Variants in KCNIP1 observed in about 807,000 individuals in gnomAD.
KCNIP1 encodes potassium voltage-gated channel interacting protein 1.
Under a neutral mutation model 33.0 loss-of-function variants are expected in KCNIP1, and 18 were observed. The observed-to-expected ratio is 0.55, with a 90% CI of 0.38 to 0.81. The LOEUF is 0.81. KCNIP1 is among the 30% of genes least tolerant of loss of function. The pLI is 0.00. For missense variants in KCNIP1, 238 were observed against 271.6 expected (o/e 0.88, Z 0.87); for synonymous variants, 93 against 98.3 (o/e 0.95, Z 0.32).
intron 5 of KCNIP1, among the ~76,000 whole-genome samples, chr5:170,726,219 T>C (rs973929839): frequency 6.6e-6 from 1 of 152,170 alleles, no homozygotes; most frequent in African/African-American, 2.4e-5. Context: ...TATATAAAGA[T>C]ACCAGGATAC....
At chr5:170,615,107 C>T (rs548987032) in intron 1 of KCNIP1, among the ~76,000 whole-genome samples, 18 of 152,240 alleles carry the variant, frequency 1.2e-4, no homozygotes, top group African/African-American at 3.4e-4. Flanking sequence ...CCCAGCTACT[C>T]GGGAGGCTGA....
At chr5:170,654,878 T>A (rs1761199885) in intron 1 of KCNIP1, among the ~76,000 whole-genome samples, 1 of 152,230 alleles carries the variant, frequency 6.6e-6, no homozygotes, top group Admixed American at 6.5e-5. Flanking sequence ...AACGTAAGTC[T>A]GTTAACAGTA....
chr5:170,594,994 G>A (rs562087044), intron 1 of KCNIP1, among the ~76,000 whole-genome samples: 2 of 152,304 alleles, frequency 1.3e-5, no homozygotes, highest in African/African-American at 4.8e-5. Flanking sequence ...GGCTAGGTGG[G>A]AGGGAGTACC....
Position 170,456,701 on chromosome 5 carries a change from T to TTTTCTTTTC in KCNIP1, c.88+102744_88+102745insTCTTTCTTT, listed in dbSNP as rs1554093875. Among the ~76,000 whole-genome samples, 3 of 135,680 alleles carry TTTTCTTTTC rather than the reference T, an allele frequency of 2.2e-5. No homozygotes were observed. In the South Asian group the frequency reaches 7.0e-4, roughly 32 times the overall value. 89.0% of individuals were successfully genotyped at this position (135,680 alleles called of 152,430 possible). ...TTTCTTTCTTTCTCTCTCTCTCTCT[T>TTTTCTTTTC]TTTCTTTCTTTCTTTCTTTCTTTCT... On this transcript the variant is annotated intron_variant, in intron 1 of 7. Transcript: ENST00000377360.
At chr5:170,599,054 A>G (rs2113579522) in intron 1 of KCNIP1, among the ~76,000 whole-genome samples, 1 of 152,148 alleles carries the variant, frequency 6.6e-6, no homozygotes, top group African/African-American at 2.4e-5. Flanking sequence ...GTGCAGACCC[A>G]CAGGCTGCCG....
At chr5:170,430,205 C>A (rs114851544) in intron 1 of KCNIP1, among the ~76,000 whole-genome samples, 6,623 of 152,256 alleles carry the variant, frequency 0.043, 167 homozygotes, top group African/African-American at 0.061. Flanking sequence ...GTGTGGTGGG[C>A]GGAAGGTAGG....
rs187935817 is a variant in KCNIP1, at chr5:170,724,299, C to T, written c.435+1479C>T. 2.3e-4 allele frequency among the ~76,000 whole-genome samples: 35 copies of T among 152,058 alleles called. No homozygotes were observed. The East Asian group carries it at 6.4e-3, about 28-fold the overall frequency. ...ATAAGTCCAATAGTACCCTGATACC[C>T]AAACCAAAGAAAAAAAGGTCTTATG... On this transcript the variant is annotated intron_variant, in intron 5 of 7. Transcript: ENST00000328939.
At chr5:170,384,398 G>C (rs1385806136) in intron 1 of KCNIP1, among the ~76,000 whole-genome samples, 2 of 152,192 alleles carry the variant, frequency 1.3e-5, no homozygotes, top group Non-Finnish European at 2.9e-5. Flanking sequence ...ATGTAGAAGG[G>C]GTTTGAGTTG....
intron 1 of KCNIP1, among the ~76,000 whole-genome samples, chr5:170,395,118 G>T (rs573338055): frequency 1.3e-5 from 2 of 152,236 alleles, no homozygotes; most frequent in Non-Finnish European, 2.9e-5. Flanking sequence ...GCATCCAGCA[G>T]TGGGATTGCT....
intron 1 of KCNIP1, among the ~76,000 whole-genome samples, chr5:170,637,554 C>G (rs989487294): frequency 6.6e-6 from 1 of 152,132 alleles, no homozygotes; most frequent in Non-Finnish European, 1.5e-5. Context: ...TCAGATCTGA[C>G]GGCTCCATCC....
chr5:170,390,517 A>AAAAAAAAAAAAAAAAAATATATATATAT, intron 1 of KCNIP1, among the ~76,000 whole-genome samples: 6 of 74,544 alleles, frequency 8.0e-5, no homozygotes, highest in African/African-American at 1.3e-4. Context: ...AAAAAAAACA[A>AAAAAAAAAAAAAAAAAATATATATATAT]ATATATATAT....
intron 1 of KCNIP1, among the ~76,000 whole-genome samples, chr5:170,455,150 T>C (rs1756344110): frequency 6.6e-6 from 1 of 152,178 alleles, no homozygotes. Flanking sequence ...CTTTCAATAA[T>C]GGATAGAACA....
chr5:170,731,693 C>CA (rs1162447420), intron 5 of KCNIP1, among the ~76,000 whole-genome samples: 9,888 of 96,410 alleles, frequency 0.1, 1,107 homozygotes, highest in African/African-American at 0.33. Flanking sequence ...GAACCTGTCT[C>CA]AAAAAAAAAA....
At chr5:170,626,236 T>C (rs1268201024) in intron 1 of KCNIP1, among the ~76,000 whole-genome samples, 1 of 152,222 alleles carries the variant, frequency 6.6e-6, no homozygotes, top group Non-Finnish European at 1.5e-5. Flanking sequence ...AACGTTGTCA[T>C]GCAGGTAGGA....
intron 1 of KCNIP1, among the ~76,000 whole-genome samples, chr5:170,427,893 C>T (rs1458666623): frequency 6.6e-6 from 1 of 152,224 alleles, no homozygotes; most frequent in African/African-American, 2.4e-5. Context: ...CCCAGAGCCT[C>T]CCAGAGGAGG....
intron 1 of KCNIP1, among the ~76,000 whole-genome samples, chr5:170,406,085 C>T (rs1325308086): frequency 6.6e-6 from 1 of 152,232 alleles, no homozygotes; most frequent in African/African-American, 2.4e-5. Context: ...GTCTAAAACA[C>T]CAGCTAACTG....
At chr5:170,374,216 A>G (rs2113313932) in intron 1 of KCNIP1, among the ~76,000 whole-genome samples, 1 of 152,304 alleles carries the variant, frequency 6.6e-6, no homozygotes, top group East Asian at 1.9e-4. Context: ...AGATTATATT[A>G]ATATTTATAT....
intron 5 of KCNIP1, among the ~76,000 whole-genome samples, chr5:170,723,721 A>G (rs1763909280): frequency 6.6e-6 from 1 of 152,204 alleles, no homozygotes; most frequent in African/African-American, 2.4e-5. Flanking sequence ...AGCAGCATAG[A>G]GAGATGGACA....
intron 1 of KCNIP1, among the ~76,000 whole-genome samples, chr5:170,694,106 A>T (rs949594992): frequency 6.6e-6 from 1 of 152,228 alleles, no homozygotes; most frequent in Non-Finnish European, 1.5e-5. Context: ...ATTTATCTTC[A>T]GGACAATTTT....
Sources: allele counts gnomAD v4.1 joint callset (sites outside exome capture counted in the v4.1 genomes callset), GRCh38; gene constraint gnomAD v4.1.1; transcripts MANE v1.5; gene names NCBI Gene and HGNC (gene_info 2026-07-23, HGNC 2026-07-21).